The following ALK variants were observed in gnomAD, a reference collection of about 807,000 sequenced individuals.
The protein encoded by ALK is ALK tyrosine kinase receptor.
ALK carries 74 observed loss-of-function variants against 163.1 expected under a neutral mutation model. The observed-to-expected ratio is 0.45, with a 90% CI of 0.38 to 0.55. ALK has a LOEUF of 0.55. ALK is among the 20% of genes least tolerant of loss of function. ALK has a pLI of 0.00. For missense variants in ALK, 2,063 were observed against 2,105.3 expected, an observed-to-expected ratio of 0.98 and a Z score of 0.39; for synonymous variants, 960 against 843.2, an observed-to-expected ratio of 1.14 and a Z score of -2.40.
In ALK at chr2:29,226,999, A is replaced by G; in HGVS notation, c.2990T>C (p.Met997Thr). ...GATGACCTTGTGGCTTTCAGGGTCC[A>G]TGTGACATTCGTCTACCTCACAGTG... ...CSHCEVDECH[M>T]DPESHKVICF... Residue 997 changes from methionine (M) to threonine (T), a missense_variant, in exon 18 of 29, where the codon ATG (methionine) becomes ACG (threonine). Coordinates refer to ENST00000389048, the MANE Select transcript of ALK (RefSeq NM_004304.5). 2 of 1,614,202 alleles carry G rather than the reference A, an allele frequency of 1.2e-6. No homozygotes were observed. The highest frequency in any genetic ancestry group is 1.7e-6 in the Non-Finnish European group (2 of 1,180,042).
intron 1 of ALK, among the ~76,000 whole-genome samples, chr2:29,795,518 G>T (rs1437821193): frequency 6.6e-6 from 1 of 152,028 alleles, no homozygotes; most frequent in African/African-American, 2.4e-5. Flanking sequence ...AAGCTTTTTT[G>T]CATAAGAATA....
intron 3 of ALK, among the ~76,000 whole-genome samples, chr2:29,590,692 T>A (rs1257217039): frequency 2.6e-5 from 4 of 152,104 alleles, no homozygotes; most frequent in Admixed American, 2.6e-4. Flanking sequence ...TCCATCCTCT[T>A]ACCCCCATCC....
chr2:29,816,013 G>A (rs1249400049), intron 1 of ALK, among the ~76,000 whole-genome samples: 1 of 152,364 alleles, frequency 6.6e-6, no homozygotes, highest in Admixed American at 6.5e-5. Context: ...CGGCATTTGT[G>A]TGTCTGGACA....
intron 11 of ALK, among the ~76,000 whole-genome samples, chr2:29,266,419 C>A (rs1324133926): frequency 6.6e-6 from 1 of 152,200 alleles, no homozygotes; most frequent in Non-Finnish European, 1.5e-5. Context: ...TGTAAATGCA[C>A]TGAATATTTA....
At chr2:29,685,209 C>T (rs1029352227) in intron 3 of ALK, among the ~76,000 whole-genome samples, 5 of 152,172 alleles carry the variant, frequency 3.3e-5, no homozygotes, top group Admixed American at 1.3e-4. Context: ...TGTAGTTTCA[C>T]TGCCTCCTCC....
chr2:29,538,154 C>T (rs1203919042), intron 3 of ALK, among the ~76,000 whole-genome samples: 1 of 152,022 alleles, frequency 6.6e-6, no homozygotes, highest in East Asian at 1.9e-4. Context: ...ATTGTGAAGG[C>T]ATAATCATAT....
At chr2:29,290,083 T>C (rs375044500) in intron 9 of ALK, among the ~76,000 whole-genome samples, 7 of 152,260 alleles carry the variant, frequency 4.6e-5, no homozygotes, top group African/African-American at 1.7e-4. Flanking sequence ...TCAGGGGATT[T>C]TGGAGGTTTG....
At chr2:29,264,409 C>G (rs1358514) in intron 11 of ALK, among the ~76,000 whole-genome samples, 10 of 152,112 alleles carry the variant, frequency 6.6e-5, no homozygotes, top group Admixed American at 6.5e-4. Context: ...CATTCACACA[C>G]ATGTGTGCTT....
chr2:29,307,150 G>A lies in ALK; in HGVS notation c.1648-10093C>T, dbSNP rs903725559. On this transcript the variant is annotated intron_variant, in intron 8 of 28. Coordinates refer to ENST00000389048, the MANE Select transcript of ALK (RefSeq NM_004304.5). ...GCCCCATGTTTGCTATGCATACCTC[G>A]TGGCAGCTTCAGGACAATCCCTTCA... Among the ~76,000 whole-genome samples the A allele has an allele frequency of 2.6e-5, 4 of 152,138 alleles. No individual in the cohort carries two copies. The East Asian group carries it at 5.8e-4, about 22-fold the overall frequency.
rs375646347 is a variant in ALK, at chr2:29,297,067, C to T, written c.1648-10G>A. 154 of 1,613,968 alleles carry T rather than the reference C, an allele frequency of 9.5e-5. 1 individual carries two copies. The highest frequency in any genetic ancestry group is 1.1e-4 in the East Asian group (5 of 44,884). ...GCCAGGACATTCGGAGCTGTGAGGG[C>T]GAGAAGAGTCAGAGGACAAGGTATG... On this transcript the variant is annotated splice_polypyrimidine_tract_variant and intron_variant, in intron 8 of 28. Transcript: ENST00000389048.
intron 1 of ALK, among the ~76,000 whole-genome samples, chr2:29,803,882 C>G (rs1032339222): frequency 2.7e-4 from 41 of 152,108 alleles, no homozygotes; most frequent in Non-Finnish European, 1.0e-4. Context: ...GCCTCAATGT[C>G]CCTTACAGGA....
At chr2:29,529,939 C>G (rs1326636403) in intron 4 of ALK, among the ~76,000 whole-genome samples, 1 of 152,150 alleles carries the variant, frequency 6.6e-6, no homozygotes, top group Non-Finnish European at 1.5e-5. Flanking sequence ...GTTGGGTGGC[C>G]AGGTGGACGT....
At chr2:29,582,235 C>T (rs6733586) in intron 3 of ALK, among the ~76,000 whole-genome samples, 1,721 of 152,280 alleles carry the variant, frequency 0.011, 24 homozygotes, top group African/African-American at 0.039. Context: ...CAGAGGGAAA[C>T]GGCCTTCCTG....
chr2:29,296,248 C>A (rs1177748743), intron 9 of ALK, among the ~76,000 whole-genome samples: 1 of 152,188 alleles, frequency 6.6e-6, no homozygotes, highest in Non-Finnish European at 1.5e-5. Flanking sequence ...GAACTAAGAC[C>A]ACAAGTAGAA....
At chr2:29,280,174 T>C (rs1286674301) in intron 9 of ALK, among the ~76,000 whole-genome samples, 1 of 152,194 alleles carries the variant, frequency 6.6e-6, no homozygotes, top group Non-Finnish European at 1.5e-5. Flanking sequence ...AGTTCTAGTA[T>C]GTACCATGTA....
chr2:29,277,823 G>A (rs1665586675), intron 9 of ALK, among the ~76,000 whole-genome samples: 1 of 152,242 alleles, frequency 6.6e-6, no homozygotes, highest in African/African-American at 2.4e-5. Flanking sequence ...GCACTGGGGT[G>A]TATGCCTCTG....
intron 5 of ALK, among the ~76,000 whole-genome samples, chr2:29,328,850 C>T (rs963469237): frequency 8.5e-5 from 13 of 152,204 alleles, no homozygotes; most frequent in African/African-American, 3.1e-4. Context: ...CAGATAGCTC[C>T]ACCCTCAAGG....
At chr2:29,910,246 TG>T (rs1388340536) in intron 1 of ALK, among the ~76,000 whole-genome samples, 1 of 152,120 alleles carries the variant, frequency 6.6e-6, no homozygotes, top group Non-Finnish European at 1.5e-5. Context: ...TTACATGGGC[TG>T]GTTTATTAGC....
intron 20 of ALK, 95 bp downstream of exon 20, chr2:29,223,247 C>T (rs935807408): frequency 3.3e-5 from 47 of 1,411,738 alleles, no homozygotes; most frequent in South Asian, 2.0e-4. Context: ...AGGGCTCTGC[C>T]GGCCTTTTGT....
Sources: gnomAD v4.1 joint callset for allele counts (sites outside exome capture counted in the v4.1 genomes callset) on GRCh38, gnomAD v4.1.1 for gene constraint, MANE v1.5 for transcripts, NCBI Gene and HGNC (gene_info 2026-07-23, HGNC 2026-07-21) for gene names.